SERGEF: variants seen among roughly 807,000 people sequenced by gnomAD.
The protein encoded by SERGEF is secretion-regulating guanine nucleotide exchange factor.
In SERGEF, 51 loss-of-function variants were observed where a neutral mutation model predicts 50.0. The ratio of observed to expected loss-of-function variants is 1.02; its 90% CI spans 0.81 to 1.29. The LOEUF is 1.29. Among genes scored for constraint, SERGEF ranks in the 50% most tolerant of loss-of-function variants. SERGEF has a pLI of 0.00. For missense variants in SERGEF, 521 were observed against 557.0 expected (o/e 0.94, Z 0.65); for synonymous variants, 205 against 212.4 (o/e 0.97, Z 0.30).
chr11:17,969,082 G>A (rs1053322739), intron 8 of SERGEF, among the ~76,000 whole-genome samples: 7 of 152,220 alleles, frequency 4.6e-5, no homozygotes, highest in African/African-American at 1.2e-4. Context: ...TTAAATGCTA[G>A]TGTTAATAAC....
intron 10 of SERGEF, among the ~76,000 whole-genome samples, chr11:17,875,616 G>A (rs1851225017): frequency 6.6e-6 from 1 of 152,206 alleles, no homozygotes; most frequent in South Asian, 2.1e-4. Context: ...TTTAACTTCT[G>A]AGTCTGTTTC....
intron 10 of SERGEF, among the ~76,000 whole-genome samples, chr11:17,816,065 G>A (rs77748898): frequency 6.6e-6 from 1 of 152,310 alleles, no homozygotes; most frequent in African/African-American, 2.4e-5. Flanking sequence ...GTTGGAAAGT[G>A]GGAAGACTGC....
intron 10 of SERGEF, among the ~76,000 whole-genome samples, chr11:17,861,942 A>C (rs1452901971): frequency 1.3e-5 from 2 of 152,244 alleles, no homozygotes; most frequent in Non-Finnish European, 2.9e-5. Flanking sequence ...TCTCTGTTGA[A>C]CAGTACTAGC....
intron 10 of SERGEF, among the ~76,000 whole-genome samples, chr11:17,810,063 T>C (rs75388658): frequency 0.02 from 3,109 of 152,208 alleles, 94 homozygotes; most frequent in African/African-American, 0.069. Context: ...CCCTAGTGTA[T>C]TCTTGGTGGA....
At chr11:17,795,219 G>A (rs1429012207) in intron 10 of SERGEF, among the ~76,000 whole-genome samples, 1 of 152,316 alleles carries the variant, frequency 6.6e-6, no homozygotes, top group East Asian at 1.9e-4. Context: ...AGCAGGGTAA[G>A]TTTGGGAGAC....
intron 9 of SERGEF, among the ~76,000 whole-genome samples, chr11:17,943,759 T>C (rs958658134): frequency 2.6e-5 from 4 of 152,252 alleles, no homozygotes; most frequent in Non-Finnish European, 5.9e-5. Context: ...TCTACTTTCA[T>C]TATTGTTCGA....
At chr11:17,918,674 T>A in intron 9 of SERGEF, 1 of 451,060 alleles carries the variant, frequency 2.2e-6, no homozygotes, top group South Asian at 1.6e-5. Flanking sequence ...TCTCTCTCTC[T>A]CTCTCTTTCT....
In SERGEF at chr11:17,884,270, T is replaced by G. The variant is rs1031494120; in HGVS notation, c.1012-6026A>C. On this transcript the variant is annotated intron_variant, in intron 9 of 10. Transcript: ENST00000265965. This position sits in a 1 kb window ranked among gnomAD's most constrained non-coding sequence, Gnocchi z 4.6. ...AACGGGGTTTAGGTTGGTACGGTAC[T>G]GGGTTATGCTCTGTGCCGCACTGCG... is the stretch of plus-strand genomic sequence containing the variant. 2.4e-4 allele frequency among the ~76,000 whole-genome samples: 36 copies of G among 152,308 alleles called. No homozygotes were observed. Among genetic ancestry groups the G allele is most frequent in the African/African-American group, 8.4e-4 (35 of 41,578 alleles).
At chr11:18,005,487 T>C (rs1034489823) in intron 3 of SERGEF, among the ~76,000 whole-genome samples, 1 of 152,146 alleles carries the variant, frequency 6.6e-6, no homozygotes, top group Non-Finnish European at 1.5e-5. Context: ...AGCACAAAGA[T>C]AGCTAGGGAA....
chr11:17,860,217 T>C (rs1190232951), intron 10 of SERGEF, among the ~76,000 whole-genome samples: 1 of 152,140 alleles, frequency 6.6e-6, no homozygotes, highest in Non-Finnish European at 1.5e-5. Flanking sequence ...GTAATTGGTA[T>C]ATAGAAAGTC....
At chr11:18,008,966 T>C (rs1854140107) in intron 1 of SERGEF, among the ~76,000 whole-genome samples, 1 of 152,054 alleles carries the variant, frequency 6.6e-6, no homozygotes. Context: ...TCTCTGGAGC[T>C]GTGGGCAAAA....
At chr11:17,979,227 C>T (rs1174882604) in intron 8 of SERGEF, among the ~76,000 whole-genome samples, 1 of 152,178 alleles carries the variant, frequency 6.6e-6, no homozygotes, top group African/African-American at 2.4e-5. Context: ...AGGAACAAAG[C>T]TGTTTGAAGG....
intron 10 of SERGEF, among the ~76,000 whole-genome samples, chr11:17,825,544 G>A (rs1303984427): frequency 6.6e-6 from 1 of 152,144 alleles, no homozygotes; most frequent in Admixed American, 6.5e-5. Context: ...TGAATGTCCT[G>A]GAAAGTACCA....
chr11:17,897,455 G>A (rs1851669590), intron 9 of SERGEF, among the ~76,000 whole-genome samples: 1 of 152,106 alleles, frequency 6.6e-6, no homozygotes, highest in South Asian at 2.1e-4. Flanking sequence ...CTAAGTTTGT[G>A]GTAATTTGTT....
At chr11:17,963,983 G>A (rs1485191856) in intron 8 of SERGEF, among the ~76,000 whole-genome samples, 1 of 152,006 alleles carries the variant, frequency 6.6e-6, no homozygotes, top group Admixed American at 6.6e-5. Flanking sequence ...GAAGTCATAG[G>A]AAAACAAAGA....
chr11:17,926,807 A>G (rs1278119959), intron 9 of SERGEF: 2 of 456,156 alleles, frequency 4.4e-6, no homozygotes, highest in African/African-American at 2.0e-5. Context: ...CCAGAGCTCT[A>G]GGAATTCATC....
chr11:17,977,438 G>C (rs1365644809), intron 8 of SERGEF, among the ~76,000 whole-genome samples: 1 of 152,148 alleles, frequency 6.6e-6, no homozygotes, highest in Non-Finnish European at 1.5e-5. Context: ...CCATTTCTCA[G>C]TGGGCTTTAT....
chr11:17,870,165 C>T (rs1473086831), intron 10 of SERGEF, among the ~76,000 whole-genome samples: 1 of 152,204 alleles, frequency 6.6e-6, no homozygotes, highest in Non-Finnish European at 1.5e-5. Flanking sequence ...TCACCTTCCA[C>T]CATGATTGTA....
chr11:17,935,008 C>T (rs990724952), intron 9 of SERGEF, among the ~76,000 whole-genome samples: 1 of 152,140 alleles, frequency 6.6e-6, no homozygotes, highest in Non-Finnish European at 1.5e-5. Context: ...CCTGGATGTG[C>T]CTCAGGAGCC....
Sources: gnomAD v4.1 joint callset for allele counts (sites outside exome capture counted in the v4.1 genomes callset) on GRCh38, gnomAD v4.1.1 for gene constraint, Gnocchi (gnomAD v3.1) non-coding constraint, MANE v1.5 for transcripts, NCBI Gene and HGNC (gene_info 2026-07-23, HGNC 2026-07-21) for gene names.